The following PCGF5 variants were observed in gnomAD, a reference collection of about 807,000 sequenced individuals.
PCGF5 encodes the protein polycomb group RING finger protein 5.
PCGF5 carries 9 observed loss-of-function variants against 44.3 expected under a neutral mutation model. The observed-to-expected ratio is 0.20, with a 90% CI of 0.12 to 0.35. PCGF5 has a LOEUF of 0.35. Ranked by LOEUF, PCGF5 falls within the 10% of genes least tolerant of loss-of-function variation. The probability of loss-of-function intolerance (pLI) is 1.00; values close to 1 mark genes in which losing one functional copy is unlikely to be tolerated. For missense variants in PCGF5, 146 were observed against 305.3 expected, an observed-to-expected ratio of 0.48 and a Z score of 3.89; for synonymous variants, 95 against 102.5, an observed-to-expected ratio of 0.93 and a Z score of 0.44.
chr10:91,255,128 C>T lies in PCGF5; in HGVS notation c.474+3688C>T, dbSNP rs530275551. 3.9e-5 allele frequency among the ~76,000 whole-genome samples: 6 copies of T among 152,070 alleles called. No individual in the cohort carries two copies. The South Asian group carries it at 8.3e-4, about 21-fold the overall frequency. ...CCCCACTTACAAGATTGTCAGTATT[C>T]GACTTGACTTGGAGCTTGCCCCCAT... On this transcript the variant is annotated intron_variant, in intron 6 of 9. Coordinates refer to ENST00000336126, the MANE Select transcript of PCGF5 (RefSeq NM_032373.5).
intron 1 of PCGF5, among the ~76,000 whole-genome samples, chr10:91,206,932 T>C (rs1476201704): frequency 6.6e-6 from 1 of 152,176 alleles, no homozygotes; most frequent in Non-Finnish European, 1.5e-5. Flanking sequence ...TCCCTCTTGG[T>C]TTTATTTTTC....
chr10:91,195,586 G>C (rs915951105), intron 1 of PCGF5, among the ~76,000 whole-genome samples: 4 of 151,572 alleles, frequency 2.6e-5, no homozygotes, highest in Non-Finnish European at 5.9e-5. Flanking sequence ...CTGGCCTCAA[G>C]TAATCCTCCA....
chr10:91,258,326 G>C (rs1209017085), intron 6 of PCGF5, among the ~76,000 whole-genome samples: 2 of 152,148 alleles, frequency 1.3e-5, no homozygotes, highest in African/African-American at 4.8e-5. Context: ...TTTCTTGACA[G>C]ATGAAAAATA....
At chr10:91,230,095 A>G (rs1172218654) in intron 2 of PCGF5, among the ~76,000 whole-genome samples, 1 of 152,196 alleles carries the variant, frequency 6.6e-6, no homozygotes, top group Admixed American at 6.5e-5. Flanking sequence ...TATGTATTAG[A>G]TAGCAAGGAA....
intron 1 of PCGF5, among the ~76,000 whole-genome samples, chr10:91,166,374 G>C (rs907858688): frequency 6.6e-6 from 1 of 152,070 alleles, no homozygotes; most frequent in Non-Finnish European, 1.5e-5. Context: ...TTGGATAAAT[G>C]GGTTTTAAGT....
chr10:91,170,501 A>G (rs898625231), intron 1 of PCGF5, among the ~76,000 whole-genome samples: 1 of 152,250 alleles, frequency 6.6e-6, no homozygotes, highest in African/African-American at 2.4e-5. Flanking sequence ...AAATAAGCAT[A>G]TGAAAAGATA....
chr10:91,181,290 G>A (rs995974568), intron 1 of PCGF5, among the ~76,000 whole-genome samples: 1 of 152,180 alleles, frequency 6.6e-6, no homozygotes, highest in African/African-American at 2.4e-5. Flanking sequence ...ATAGGATCCT[G>A]TCATCTAAAA....
chr10:91,271,844 G>T, intron 9 of PCGF5, 147 bp downstream of exon 9: 1 of 582,352 alleles, frequency 1.7e-6, no homozygotes, highest in Non-Finnish European at 3.0e-6. Flanking sequence ...ATATACCCAA[G>T]ATTTCCCATT....
At chr10:91,207,285 CT>C (rs1339291241) in intron 1 of PCGF5, among the ~76,000 whole-genome samples, 1 of 152,148 alleles carries the variant, frequency 6.6e-6, no homozygotes, top group African/African-American at 2.4e-5. Flanking sequence ...CATTGCATTA[CT>C]TTTGATCTTA....
chr10:91,257,216 C>T (rs1283137514), intron 6 of PCGF5, among the ~76,000 whole-genome samples: 1 of 152,020 alleles, frequency 6.6e-6, no homozygotes, highest in African/African-American at 2.4e-5. Flanking sequence ...TGCTAAATAT[C>T]ACTAGTCACT....
At chr10:91,220,162 C>T (rs1844628366), upstream of PCGF5, 1 of 142,100 alleles carries the variant, frequency 7.0e-6, no homozygotes, top group Non-Finnish European at 1.5e-5. Context: ...ACAACGTTCC[C>T]GTTTGCTTAT....
intron 1 of PCGF5, among the ~76,000 whole-genome samples, chr10:91,214,953 T>C (rs1844516026): frequency 6.6e-6 from 1 of 152,218 alleles, no homozygotes; most frequent in South Asian, 2.1e-4. Context: ...TAGAAATGAG[T>C]GTTCTACTTA....
chr10:91,184,587 G>A (rs1191394283), intron 1 of PCGF5, among the ~76,000 whole-genome samples: 1 of 152,202 alleles, frequency 6.6e-6, no homozygotes, highest in Non-Finnish European at 1.5e-5. Context: ...GCCCAGTTCT[G>A]AACACTTGCT....
chr10:91,244,319 A>G (rs910253730), intron 3 of PCGF5, among the ~76,000 whole-genome samples: 1 of 152,158 alleles, frequency 6.6e-6, no homozygotes, highest in Non-Finnish European at 1.5e-5. Context: ...TATTCCAGGT[A>G]AAGGGAGCAG....
At chr10:91,193,033 A>G (rs1844061149) in intron 1 of PCGF5, among the ~76,000 whole-genome samples, 1 of 152,220 alleles carries the variant, frequency 6.6e-6, no homozygotes, top group Non-Finnish European at 1.5e-5. Flanking sequence ...TATACTGGCT[A>G]GAGTTGGAGA....
At chr10:91,169,704 C>A (rs1222346783) in intron 1 of PCGF5, among the ~76,000 whole-genome samples, 1 of 152,204 alleles carries the variant, frequency 6.6e-6, no homozygotes, top group African/African-American at 2.4e-5. Flanking sequence ...GACTTCCCAA[C>A]TGTATTCATA....
intron 1 of PCGF5, among the ~76,000 whole-genome samples, chr10:91,222,054 G>T (rs1844697424): frequency 6.6e-6 from 1 of 152,130 alleles, no homozygotes; most frequent in South Asian, 2.1e-4. Context: ...GAAAGTTGTT[G>T]AAGGGTATAT....
chr10:91,184,386 A>T (rs1287912513), intron 1 of PCGF5, among the ~76,000 whole-genome samples: 2 of 151,976 alleles, frequency 1.3e-5, no homozygotes, highest in African/African-American at 4.8e-5. Context: ...AAATCCTTGT[A>T]GTGTGTTTTT....
At chr10:91,220,074 A>C (rs2133269544), upstream of PCGF5, 1 of 152,024 alleles carries the variant, frequency 6.6e-6, no homozygotes, top group African/African-American at 2.4e-5. Flanking sequence ...TAGAAAGAGT[A>C]CTGGGTTTTT....
Sources: allele counts gnomAD v4.1 joint callset (sites outside exome capture counted in the v4.1 genomes callset), GRCh38; gene constraint gnomAD v4.1.1; transcripts MANE v1.5; gene names NCBI Gene and HGNC (gene_info 2026-07-23, HGNC 2026-07-21).